Variants in BAHCC1 observed in about 807,000 individuals in gnomAD.
BAHCC1 encodes BAH and coiled-coil domain-containing protein 1.
Under a neutral mutation model 88.2 loss-of-function variants are expected in BAHCC1, and 43 were observed. That is an observed-to-expected ratio of 0.49 (90% confidence interval 0.38 to 0.63). BAHCC1 has a LOEUF of 0.63. Among genes scored for constraint, BAHCC1 ranks in the 20% least tolerant of loss-of-function variants. The pLI, the probability that BAHCC1 is intolerant of heterozygous loss-of-function variation, is 0.00. For synonymous variants in BAHCC1, 1,510 were observed against 745.5 expected (o/e 2.03, Z -16.71); for missense variants, 3,023 against 1,654.8 (o/e 1.83, Z -14.34).
chr17:81,399,639 C>T lies in BAHCC1; in HGVS notation c.-101C>T, dbSNP rs530397488. On this transcript the variant is annotated 5_prime_UTR_variant, in exon 2 of 28. Coordinates refer to ENST00000675386, the MANE Select transcript of BAHCC1 (RefSeq NM_001377448.1). This position sits in a 1 kb window ranked among gnomAD's most constrained non-coding sequence, Gnocchi z 4.5. ...CCCGCCGCCACCACCGCCTGTGACC[C>T]CGGACGCCGCCGCCTCTGCGCCGCC... is the stretch of plus-strand genomic sequence containing the variant. 3.6e-4 allele frequency: 292 copies of T among 813,686 alleles called. 2 individuals carry two copies. In the African/African-American group the frequency reaches 4.8e-3, roughly 13 times the overall value. 50.4% of individuals were successfully genotyped at this position (813,686 alleles called of 1,614,324 possible).
intron 11 of BAHCC1, among the ~76,000 whole-genome samples, chr17:81,448,310 G>A (rs1555655106): frequency 6.6e-6 from 1 of 152,142 alleles, no homozygotes. Flanking sequence ...GCAGGAGGCT[G>A]GGGCTCCTGC....
chr17:81,459,197 A>G (rs782379383), intron 21 of BAHCC1, 29 bp downstream of exon 21: 6 of 768,854 alleles, frequency 7.8e-6, no homozygotes, highest in African/African-American at 3.4e-5. Flanking sequence ...GGGGCAGGGC[A>G]GGGGCCTGGA....
intron 14 of BAHCC1, 110 bp from the exon 15 acceptor site, chr17:81,455,157 C>A: frequency 1.6e-6 from 1 of 640,612 alleles, no homozygotes; most frequent in Non-Finnish European, 2.9e-6. Context: ...AGACGTGGGG[C>A]CCTTGGAGGA....
rs1371050570 is a variant in BAHCC1, at chr17:81,466,327, C to A, written c.*2510C>A. 1 of 152,562 alleles carries A rather than the reference C, an allele frequency of 6.6e-6. No homozygotes were observed. Among genetic ancestry groups the A allele is most frequent in the Non-Finnish European group, 1.5e-5 (1 of 68,016 alleles). The allele number at this position is 152,562 out of a possible 1,614,324, so 9.5% of individuals were successfully genotyped here. ...AAGAATAAATATATGGACTATTGTA[C>A]AGGTTTTCGGTGGTCCAGGGTCCTG... On this transcript the variant is annotated 3_prime_UTR_variant, in exon 28 of 28. Transcript: ENST00000675386.
chr17:81,419,176 C>G (rs1158358698), intron 2 of BAHCC1, among the ~76,000 whole-genome samples: 1 of 152,198 alleles, frequency 6.6e-6, no homozygotes, highest in African/African-American at 2.4e-5. Context: ...GGCCTCTAGC[C>G]CCTGCCACAG....
intron 11 of BAHCC1, chr17:81,451,075 A>T (rs2064624696): frequency 6.5e-6 from 1 of 154,732 alleles, no homozygotes; most frequent in African/African-American, 2.4e-5. Context: ...AGCCTCCACC[A>T]CCTGGATGGA....
chr17:81,431,019 C>T (rs1410598050), intron 3 of BAHCC1, among the ~76,000 whole-genome samples: 4 of 84,552 alleles, frequency 4.7e-5, no homozygotes, highest in Non-Finnish European at 9.3e-5. Flanking sequence ...GTGGGGGTCT[C>T]GGCGTGGGGG....
Position 81,457,595 on chromosome 17 carries a change from A to C in BAHCC1, c.5041+3A>C. The C allele has an allele frequency of 1.4e-6, 1 of 725,522 alleles. No individual in the cohort carries two copies. The highest frequency in any genetic ancestry group is 1.7e-5 in the African/African-American group (1 of 58,156). The allele number at this position is 725,522 out of a possible 1,614,324, so 44.9% of individuals were successfully genotyped here. On this transcript the variant is annotated splice_donor_region_variant and intron_variant, in intron 17 of 27. Transcript: ENST00000675386. The stretch of plus-strand genomic sequence containing the variant: ...GAAGGAGAGGCAGGGGTTGCTAGGT[A>C]ACCAGGAGGGAGGACAGGGGTTGCT...
chr17:81,464,082 G>A lies in BAHCC1; in HGVS notation c.*265G>A, dbSNP rs1387518992. ...GTCCCCGGCCCGCCCCACCCACAGC[G>A]CCCTCCGTTTCCCGCACCGGCAGTT... On this transcript the variant is annotated 3_prime_UTR_variant, in exon 28 of 28. Transcript: ENST00000675386. 7.2e-6 allele frequency: 4 copies of A among 554,024 alleles called. No homozygotes were observed. Among genetic ancestry groups the A allele is most frequent in the Non-Finnish European group, 6.5e-6 (2 of 308,448 alleles). The allele number at this position is 554,024 out of a possible 1,614,324, so 34.3% of individuals were successfully genotyped here.
chr17:81,399,906 C>T lies in BAHCC1; in HGVS notation c.167C>T (p.Ala56Val), dbSNP rs1555645761. 4.1e-6 allele frequency: 6 copies of T among 1,445,914 alleles called. No homozygotes were observed. The highest frequency in any genetic ancestry group is 3.0e-5 in the African/African-American group (2 of 67,368). 89.6% of individuals were successfully genotyped at this position (1,445,914 alleles called of 1,614,324 possible). A position where few individuals can be genotyped will look rare whatever the true frequency, so the allele number is the denominator to read the frequency against. The change falls in exon 2 of 28, where the codon GCT (alanine) becomes GTT (valine). Residue 56 changes from alanine (A) to valine (V), a missense_variant. Physicochemically the swap from Ala to Val is moderately conservative, Grantham distance 64. Transcript: ENST00000675386. The surrounding 1 kb of genome is among the most constrained non-coding windows in gnomAD (Gnocchi z 4.5). ...GKYFPSPLPM[A>V]SHTASSRLMG... ...TACTTCCCGTCGCCGTTGCCCATGGCTTCGCACACAGGTCAGTGCTCGGCC... is the reference window on the plus strand; with the variant it reads ...TACTTCCCGTCGCCGTTGCCCATGGTTTCGCACACAGGTCAGTGCTCGGCC...
Position 81,445,484 on chromosome 17 carries a change from A to G in BAHCC1, c.2966A>G (p.Lys989Arg). Reference sequence around the variant, plus strand: ...CCCTCACCCGCTGCAGGCCCCACCAAGCTGCCACCTTGCTGCCATCCGCCC... The same window carrying G: ...CCCTCACCCGCTGCAGGCCCCACCAGGCTGCCACCTTGCTGCCATCCGCCC... ...GAPSPAAGPTKLPPCCHPPDP... is the reference protein window; with the variant it reads ...GAPSPAAGPTRLPPCCHPPDP... The change falls in exon 10 of 28, where the codon AAG becomes AGG. Residue 989 changes from lysine to arginine, a missense_variant. Transcript: ENST00000675386. The G allele has an allele frequency of 1.3e-6, 1 of 751,846 alleles. No homozygotes were observed. The highest frequency in any genetic ancestry group is 1.4e-5 in the South Asian group (1 of 70,446). 46.6% of individuals were successfully genotyped at this position (751,846 alleles called of 1,614,324 possible).
At chr17:81,402,642 C>G (rs1242466720) in intron 2 of BAHCC1, 1 of 152,234 alleles carries the variant, frequency 6.6e-6, no homozygotes, top group East Asian at 1.9e-4. Flanking sequence ...GGAGTAGAAT[C>G]CAACCATCGG....
At chr17:81,450,687 T>C (rs782133179) in intron 11 of BAHCC1, among the ~76,000 whole-genome samples, 8 of 152,132 alleles carry the variant, frequency 5.3e-5, no homozygotes, top group Non-Finnish European at 1.2e-4. Flanking sequence ...TGAGGGAGGA[T>C]GGAGGAATGG....
chr17:81,398,318 G>T (rs782352674), intron 1 of BAHCC1, among the ~76,000 whole-genome samples: 7 of 152,174 alleles, frequency 4.6e-5, no homozygotes, highest in Non-Finnish European at 8.8e-5. Flanking sequence ...CCCCAATTTC[G>T]CCTGAGTGGA....
rs782418592 is a variant in BAHCC1 at position 81,461,884 on chromosome 17, C to T, written c.7221C>T (p.Ser2407=). Residue 2407 remains serine, a synonymous_variant, in exon 26 of 28, where the codon AGC becomes AGT. Coordinates refer to ENST00000675386, the MANE Select transcript of BAHCC1 (RefSeq NM_001377448.1). ...GCACCGGTGCGGGCTCAGGCCCCAG[C>T]AGCAGCAGCAAATCCAAGCTCAAGC... ...VAGTGAGSGP[S]SSSKSKLKRK... 13 of 729,778 alleles carry T rather than the reference C, an allele frequency of 1.8e-5. No individual in the cohort carries two copies. Among genetic ancestry groups the T allele is most frequent in the Non-Finnish European group, 3.3e-5 (13 of 392,904 alleles). 45.2% of individuals were successfully genotyped at this position (729,778 alleles called of 1,614,324 possible). A position where few individuals can be genotyped will look rare whatever the true frequency, so the allele number is the denominator to read the frequency against.
rs1598506056 is a variant in BAHCC1 at position 81,455,259 on chromosome 17, G to A, written c.4446-8G>A. ...ATCTGCCCTGCACCCACCACCCCAT[G>A]CCCCCAGGGCGGTGCGGACAAGCCT... On this transcript the variant is annotated splice_region_variant and splice_polypyrimidine_tract_variant and intron_variant, in intron 14 of 27. Transcript: ENST00000675386. The A allele has an allele frequency of 1.4e-6, 1 of 714,110 alleles. No homozygotes were observed. Among genetic ancestry groups the A allele is most frequent in the African/African-American group, 1.7e-5 (1 of 57,382 alleles). The allele number at this position is 714,110 out of a possible 1,614,324, so 44.2% of individuals were successfully genotyped here.
At chr17:81,424,567 G>A (rs1038737213) in intron 2 of BAHCC1, among the ~76,000 whole-genome samples, 10 of 152,176 alleles carry the variant, frequency 6.6e-5, no homozygotes, top group Admixed American at 5.9e-4. Context: ...ATGATGATAT[G>A]GTTGTTGTGG....
intron 18 of BAHCC1, 29 bp downstream of exon 18, chr17:81,458,495 G>T: frequency 1.5e-6 from 1 of 676,008 alleles, no homozygotes; most frequent in East Asian, 2.6e-5. Context: ...GTGCTGGGCG[G>T]AGAGGGTGGG....
chr17:81,401,101 T>G (rs782444135), intron 2 of BAHCC1: 14 of 152,322 alleles, frequency 9.2e-5, no homozygotes, highest in Middle Eastern at 6.8e-3. Flanking sequence ...GGGATTACAA[T>G]TAGTGTGTGG....
Sources: gnomAD v4.1 joint callset for allele counts (sites outside exome capture counted in the v4.1 genomes callset) on GRCh38, gnomAD v4.1.1 for gene constraint, Gnocchi (gnomAD v3.1) non-coding constraint, MANE v1.5 for transcripts, NCBI Gene and HGNC (gene_info 2026-07-23, HGNC 2026-07-21) for gene names.